The following NUDT3 variants were observed in gnomAD, a reference collection of about 807,000 sequenced individuals.
NUDT3 encodes the protein diphosphoinositol polyphosphate phosphohydrolase 1.
Under a neutral mutation model 23.6 loss-of-function variants are expected in NUDT3, and 9 were observed. The observed-to-expected ratio is 0.38, with a 90% CI of 0.23 to 0.66. The LOEUF (loss-of-function observed/expected upper bound fraction) is 0.66. Among genes scored for constraint, NUDT3 ranks in the 30% least tolerant of loss-of-function variants. The probability of loss-of-function intolerance (pLI) is 0.52; values close to 1 mark genes in which losing one functional copy is unlikely to be tolerated. For missense variants in NUDT3, 172 were observed against 218.5 expected (o/e 0.79, Z 1.34); for synonymous variants, 86 against 82.6 (o/e 1.04, Z -0.22).
chr6:34,340,453 C>T (rs529078664), intron 2 of NUDT3, among the ~76,000 whole-genome samples: 2 of 152,292 alleles, frequency 1.3e-5, no homozygotes, highest in South Asian at 4.1e-4. Flanking sequence ...AAATGAAGGA[C>T]AAAAGTCCAG....
intron 1 of NUDT3, among the ~76,000 whole-genome samples, chr6:34,380,304 G>A (rs1039960103): frequency 3.3e-5 from 5 of 151,712 alleles, no homozygotes; most frequent in Admixed American, 1.3e-4. Flanking sequence ...CACCCTCCTC[G>A]GCCTCCCAAA....
At chr6:34,366,788 G>A (rs74292092) in intron 1 of NUDT3, among the ~76,000 whole-genome samples, 12,619 of 152,124 alleles carry the variant, frequency 0.083, 699 homozygotes, top group Non-Finnish European at 0.12. Context: ...GAGATGGACA[G>A]AAGTGACAGT....
intron 2 of NUDT3, among the ~76,000 whole-genome samples, chr6:34,299,918 T>A (rs572409764): frequency 0.11 from 16,073 of 151,242 alleles, 929 homozygotes; most frequent in Non-Finnish European, 0.12. Flanking sequence ...AAAAAAATAT[T>A]TTTTTTATTT....
rs951773351 is a variant in NUDT3 at position 34,285,969 on chromosome 6, C to A, written c.*2784G>T. On this transcript the variant is annotated 3_prime_UTR_variant, in exon 5 of 5. Coordinates refer to ENST00000607016, the MANE Select transcript of NUDT3 (RefSeq NM_006703.4). ...CACTTTCCTGACCCAAAGACACCAA[C>A]AACAATCAAAACTGCACTTTCAGGG... The A allele has an allele frequency of 6.6e-6, 1 of 152,218 alleles. No homozygotes were observed. Among genetic ancestry groups the A allele is most frequent in the African/African-American group, 2.4e-5 (1 of 41,446 alleles). 9.4% of individuals were successfully genotyped at this position (152,218 alleles called of 1,614,324 possible).
chr6:34,302,593 A>C (rs1342688565), intron 2 of NUDT3, among the ~76,000 whole-genome samples: 1 of 152,086 alleles, frequency 6.6e-6, no homozygotes. Context: ...TTAGCCGAGC[A>C]TGGTGGCGTG....
intron 2 of NUDT3, among the ~76,000 whole-genome samples, chr6:34,329,362 C>G (rs1041699434): frequency 2.0e-5 from 3 of 152,202 alleles, no homozygotes; most frequent in African/African-American, 7.2e-5. Context: ...CTCACTGCAA[C>G]TTCCACTGCC....
At position 34,281,737 on chromosome 6, in the gene NUDT3, G is replaced by T. The variant is rs1341685010; in HGVS notation, c.*7016C>A. The T allele has an allele frequency of 2.6e-5, 4 of 152,244 alleles. No homozygotes were observed. The South Asian group carries it at 6.2e-4, about 24-fold the overall frequency. The allele number at this position is 152,244 out of a possible 1,614,324, so 9.4% of individuals were successfully genotyped here. ...TCCATTCACAGATGGAAATGAAAGA[G>T]TGAGATTCTCAGAGGCTAAACAACA... On this transcript the variant is annotated 3_prime_UTR_variant, in exon 5 of 5. Transcript: ENST00000607016.
intron 1 of NUDT3, among the ~76,000 whole-genome samples, chr6:34,373,139 C>A (rs1764859975): frequency 6.6e-6 from 1 of 150,438 alleles, no homozygotes; most frequent in Non-Finnish European, 1.5e-5. Flanking sequence ...ATTAGCCGGG[C>A]ATGGTGGCAG....
chr6:34,322,889 T>C (rs1039359733), intron 2 of NUDT3, among the ~76,000 whole-genome samples: 7 of 152,146 alleles, frequency 4.6e-5, no homozygotes, highest in Non-Finnish European at 7.3e-5. Flanking sequence ...AAAGAAAGTG[T>C]ACATATACAA....
intron 2 of NUDT3, among the ~76,000 whole-genome samples, chr6:34,331,924 TG>T (rs1228017530): frequency 6.6e-6 from 1 of 152,160 alleles, no homozygotes; most frequent in African/African-American, 2.4e-5. Flanking sequence ...TCACCCAGGC[TG>T]GAATGCACTG....
intron 4 of NUDT3, among the ~76,000 whole-genome samples, chr6:34,291,405 G>A (rs980790282): frequency 6.6e-6 from 1 of 152,114 alleles, no homozygotes; most frequent in Non-Finnish European, 1.5e-5. Context: ...TACTGCAAAA[G>A]TGCTTTACAG....
chr6:34,301,820 T>A (rs1763602322), intron 2 of NUDT3, among the ~76,000 whole-genome samples: 1 of 152,240 alleles, frequency 6.6e-6, no homozygotes, highest in Non-Finnish European at 1.5e-5. Context: ...TCACTCTTGT[T>A]CCTCTTCAAT....
intron 2 of NUDT3, among the ~76,000 whole-genome samples, chr6:34,339,738 T>C (rs1764260660): frequency 6.6e-6 from 1 of 152,250 alleles, no homozygotes; most frequent in Non-Finnish European, 1.5e-5. Flanking sequence ...GTGACAGAGA[T>C]TGTATGGCCT....
At position 34,295,676 on chromosome 6, in the gene NUDT3, T is replaced by G. The variant is rs1230563313; in HGVS notation, c.220A>C (p.Lys74Gln). ...CCAACTAATCTTCCCAATGTCCCTT[T>G]TACTCCAGCCTAGAAAGTGAAAAGA... ...VREVCEEAGV[K>Q]GTLGRLVGIF... The change falls in exon 3 of 5, where the codon AAA (lysine) becomes CAA (glutamine). Residue 74 changes from lysine to glutamine, a missense_variant. Transcript: ENST00000607016. 1.2e-6 allele frequency: 2 copies of G among 1,614,032 alleles called. No homozygotes were observed. The highest frequency in any genetic ancestry group is 4.5e-5 in the East Asian group (2 of 44,860).
chr6:34,366,049 T>C (rs1306143302), intron 1 of NUDT3, among the ~76,000 whole-genome samples: 2 of 150,414 alleles, frequency 1.3e-5, no homozygotes, highest in African/African-American at 2.4e-5. Flanking sequence ...TCAAAAAATA[T>C]ATATAAATAA....
intron 2 of NUDT3, among the ~76,000 whole-genome samples, chr6:34,310,668 G>GA (rs1452587230): frequency 1.3e-5 from 2 of 152,264 alleles, no homozygotes; most frequent in Non-Finnish European, 2.9e-5. Context: ...TCTTTTAGAA[G>GA]AAAGAATACT....
intron 1 of NUDT3, among the ~76,000 whole-genome samples, chr6:34,366,824 T>C (rs541821719): frequency 5.3e-5 from 8 of 152,280 alleles, no homozygotes; most frequent in East Asian, 1.9e-4. Flanking sequence ...ATGTACTTAA[T>C]GCCACTGAAC....
intron 2 of NUDT3, among the ~76,000 whole-genome samples, chr6:34,327,656 G>A (rs769061278): frequency 7.2e-5 from 11 of 152,166 alleles, no homozygotes; most frequent in Non-Finnish European, 1.2e-4. Context: ...GACAAGGAGC[G>A]TGACCACTGA....
At chr6:34,336,400 A>G (rs1198819245) in intron 2 of NUDT3, among the ~76,000 whole-genome samples, 1 of 152,064 alleles carries the variant, frequency 6.6e-6, no homozygotes, top group Non-Finnish European at 1.5e-5. Context: ...GTTTATTCAC[A>G]TCATTTGCAC....
Sources: gnomAD v4.1 joint callset for allele counts (sites outside exome capture counted in the v4.1 genomes callset) on GRCh38, gnomAD v4.1.1 for gene constraint, MANE v1.5 for transcripts, NCBI Gene and HGNC (gene_info 2026-07-23, HGNC 2026-07-21) for gene names.